The following KHDRBS2 variants were observed in gnomAD, a reference collection of about 807,000 sequenced individuals.
KHDRBS2 encodes KH RNA binding domain containing, signal transduction associated 2, also known as KH domain-containing, RNA-binding, signal transduction-associated protein 2.
KHDRBS2 carries 26 observed loss-of-function variants against 44.3 expected under a neutral mutation model. The ratio of observed to expected loss-of-function variants is 0.59; its 90% CI spans 0.43 to 0.81. The LOEUF is 0.81. Ranked by LOEUF, KHDRBS2 falls within the 40% of genes least tolerant of loss-of-function variation. KHDRBS2 has a pLI of 0.00. For missense variants in KHDRBS2, 476 were observed against 433.1 expected (o/e 1.10, Z -0.88); for synonymous variants, 194 against 151.1 (o/e 1.28, Z -2.08).
intron 1 of KHDRBS2, among the ~76,000 whole-genome samples, chr6:62,274,261 C>A (rs964442980): frequency 6.6e-6 from 1 of 152,168 alleles, no homozygotes; most frequent in Non-Finnish European, 1.5e-5. Flanking sequence ...ACTTCTCTCT[C>A]GAACTGTTGC....
chr6:62,270,920 C>G (rs556795181), intron 1 of KHDRBS2, among the ~76,000 whole-genome samples: 1 of 152,104 alleles, frequency 6.6e-6, no homozygotes, highest in Non-Finnish European at 1.5e-5. Flanking sequence ...GTTAGCAGAT[C>G]TGGCACTCAA....
At chr6:61,942,745 T>C (rs1349225051) in intron 4 of KHDRBS2, among the ~76,000 whole-genome samples, 3 of 151,970 alleles carry the variant, frequency 2.0e-5, no homozygotes, top group Admixed American at 6.6e-5. Flanking sequence ...CAGAAATGTA[T>C]AAAGAGGTCC....
At chr6:62,131,607 G>C (rs1042739165) in intron 2 of KHDRBS2, among the ~76,000 whole-genome samples, 1 of 152,162 alleles carries the variant, frequency 6.6e-6, no homozygotes, top group African/African-American at 2.4e-5. Context: ...TCACAGGGAA[G>C]TACCAGGGAA....
chr6:62,181,548 G>T (rs1309374093), intron 1 of KHDRBS2, among the ~76,000 whole-genome samples: 3 of 151,966 alleles, frequency 2.0e-5, no homozygotes, highest in Non-Finnish European at 2.9e-5. Context: ...AGTTGGCAAG[G>T]ATGTGGATAA....
chr6:61,914,678 C>A (rs377549290), intron 4 of KHDRBS2, among the ~76,000 whole-genome samples: 1 of 151,994 alleles, frequency 6.6e-6, no homozygotes, highest in Non-Finnish European at 1.5e-5. Flanking sequence ...TTTTAAAAAG[C>A]ATTTCTAAAC....
At chr6:61,776,976 A>T (rs550922179) in intron 6 of KHDRBS2, among the ~76,000 whole-genome samples, 24 of 152,284 alleles carry the variant, frequency 1.6e-4, no homozygotes, top group Middle Eastern at 3.4e-3. Flanking sequence ...TGATGAGTTC[A>T]TGTCCTTTGT....
At chr6:62,106,220 G>A (rs529400874) in intron 2 of KHDRBS2, among the ~76,000 whole-genome samples, 2 of 152,118 alleles carry the variant, frequency 1.3e-5, no homozygotes, top group African/African-American at 4.8e-5. Flanking sequence ...TTTTGGAATA[G>A]GTGTGGTGTG....
intron 7 of KHDRBS2, among the ~76,000 whole-genome samples, chr6:61,719,468 A>C (rs1400106677): frequency 6.6e-6 from 1 of 151,858 alleles, no homozygotes; most frequent in Non-Finnish European, 1.5e-5. Context: ...AGTATGTAGA[A>C]AAAAAAAGGT....
At chr6:61,574,732 T>C in the KHDRBS2 span, among the ~76,000 whole-genome samples, 1 of 151,920 alleles carries the variant, frequency 6.6e-6, no homozygotes, top group Non-Finnish European at 1.5e-5. Flanking sequence ...TGGTGGGTGT[T>C]GGCCCATCTC....
intron 4 of KHDRBS2, among the ~76,000 whole-genome samples, chr6:61,943,202 A>T (rs1812515474): frequency 6.6e-6 from 1 of 152,138 alleles, no homozygotes; most frequent in South Asian, 2.1e-4. Context: ...AATGAGAAAT[A>T]ATCTTTCCCA....
At chr6:62,144,238 G>T (rs1385542489) in intron 2 of KHDRBS2, among the ~76,000 whole-genome samples, 1 of 151,824 alleles carries the variant, frequency 6.6e-6, no homozygotes, top group East Asian at 1.9e-4. Context: ...GTTTGACAGG[G>T]TTTGCATTTA....
Position 62,282,476 on chromosome 6 carries a change from A to G in KHDRBS2, c.91+3382T>C, listed in dbSNP as rs1304327955. ...TCTTCCCCAAACCTCTCTTAATTGGACAAAAATTTATAATGCTCCTAGGAG... is the reference window on the plus strand; with the variant it reads ...TCTTCCCCAAACCTCTCTTAATTGGGCAAAAATTTATAATGCTCCTAGGAG... On this transcript the variant is annotated intron_variant, in intron 1 of 8. Coordinates refer to ENST00000281156, the MANE Select transcript of KHDRBS2 (RefSeq NM_152688.4). Among the ~76,000 whole-genome samples the G allele has an allele frequency of 1.3e-5, 2 of 152,144 alleles. 1 individual carries two copies. Among genetic ancestry groups the G allele is most frequent in the African/African-American group, 4.8e-5 (2 of 41,450 alleles).
intron 7 of KHDRBS2, among the ~76,000 whole-genome samples, chr6:61,725,633 A>T (rs1162238449): frequency 6.6e-6 from 1 of 152,202 alleles, no homozygotes; most frequent in Non-Finnish European, 1.5e-5. Context: ...CCCCACAGAA[A>T]TACAAACGAC....
At chr6:61,903,563 G>C (rs1183879818) in intron 4 of KHDRBS2, among the ~76,000 whole-genome samples, 6 of 152,144 alleles carry the variant, frequency 3.9e-5, no homozygotes, top group Non-Finnish European at 8.8e-5. Context: ...GGAAGAGAGA[G>C]AGGAAGAGCA....
chr6:62,106,336 T>C (rs1803295125), intron 2 of KHDRBS2, among the ~76,000 whole-genome samples: 1 of 152,150 alleles, frequency 6.6e-6, no homozygotes, highest in African/African-American at 2.4e-5. Context: ...GGGATCCTTG[T>C]TAACTTTCTG....
the KHDRBS2 span, among the ~76,000 whole-genome samples, chr6:61,562,137 G>A: frequency 6.6e-6 from 1 of 152,114 alleles, no homozygotes; most frequent in Non-Finnish European, 1.5e-5. Context: ...TTGCATATAT[G>A]TAGGGCAAAA....
chr6:62,235,852 T>C (rs552405020), intron 1 of KHDRBS2, among the ~76,000 whole-genome samples: 1 of 152,176 alleles, frequency 6.6e-6, no homozygotes, highest in South Asian at 2.1e-4. Flanking sequence ...TTGAAAATAA[T>C]TTATGAACCC....
chr6:62,126,381 C>T (rs1258942232), intron 2 of KHDRBS2, among the ~76,000 whole-genome samples: 1 of 152,182 alleles, frequency 6.6e-6, no homozygotes, highest in Admixed American at 6.5e-5. Flanking sequence ...GCCCTGGCTC[C>T]CGGACAGCAT....
At chr6:62,285,405 C>G (rs1474583163) in intron 1 of KHDRBS2, among the ~76,000 whole-genome samples, 1 of 152,140 alleles carries the variant, frequency 6.6e-6, no homozygotes, top group African/African-American at 2.4e-5. Flanking sequence ...ATAGGATAGA[C>G]TTTGATTAAA....
Sources: allele counts gnomAD v4.1 joint callset (sites outside exome capture counted in the v4.1 genomes callset), GRCh38; gene constraint gnomAD v4.1.1; transcripts MANE v1.5; gene names NCBI Gene and HGNC (gene_info 2026-07-23, HGNC 2026-07-21).